Variants in TTLL5 observed in about 807,000 individuals in gnomAD.
TTLL5 encodes the protein tubulin tyrosine ligase like 5.
TTLL5 carries 132 observed loss-of-function variants against 168.4 expected under a neutral mutation model. That is an observed-to-expected ratio of 0.78 (90% confidence interval 0.68 to 0.91). TTLL5 has a LOEUF of 0.91. TTLL5 is among the 40% of genes least tolerant of loss of function. The pLI is 0.00. For synonymous variants in TTLL5, 546 were observed against 558.6 expected (o/e 0.98, Z 0.32); for missense variants, 1,545 against 1,581.5 (o/e 0.98, Z 0.39).
intron 31 of TTLL5, among the ~76,000 whole-genome samples, chr14:75,926,014 C>T (rs568422062): frequency 4.6e-5 from 7 of 151,428 alleles, no homozygotes; most frequent in African/African-American, 7.4e-5. Context: ...AGTCCAGCTT[C>T]GCCTTGGCAT....
intron 5 of TTLL5, among the ~76,000 whole-genome samples, chr14:75,686,312 G>A (rs572558432): frequency 4.6e-5 from 7 of 152,204 alleles, no homozygotes; most frequent in Non-Finnish European, 1.0e-4. Flanking sequence ...TAATTGCCCC[G>A]ATTTTCTTTA....
At chr14:75,727,941 A>T (rs1888286902) in intron 12 of TTLL5, 1 of 427,078 alleles carries the variant, frequency 2.3e-6, no homozygotes, top group African/African-American at 2.1e-5. Context: ...GCTGACAGGC[A>T]TGTGGGTTAC....
intron 18 of TTLL5, among the ~76,000 whole-genome samples, chr14:75,756,169 A>C (rs537256646): frequency 6.6e-5 from 10 of 152,204 alleles, no homozygotes; most frequent in Non-Finnish European, 1.2e-4. Flanking sequence ...GATAGAAAAC[A>C]TGGGAAAGGA....
At chr14:75,871,835 C>A (rs2031060520) in intron 29 of TTLL5, among the ~76,000 whole-genome samples, 1 of 152,100 alleles carries the variant, frequency 6.6e-6, no homozygotes, top group Non-Finnish European at 1.5e-5. Flanking sequence ...GCACAGTAAA[C>A]CAACCATGTG....
At chr14:75,793,627 T>C (rs1892841329) in intron 27 of TTLL5, among the ~76,000 whole-genome samples, 1 of 152,174 alleles carries the variant, frequency 6.6e-6, no homozygotes, top group South Asian at 2.1e-4. Flanking sequence ...CTGAAATAAG[T>C]GATGTGATCA....
chr14:75,672,460 G>T (rs571292131), intron 3 of TTLL5, among the ~76,000 whole-genome samples: 6 of 152,010 alleles, frequency 3.9e-5, no homozygotes, highest in Admixed American at 1.3e-4. Context: ...TGGCAGGCTG[G>T]TTTTGAACTC....
At chr14:75,929,842 G>A (rs1409711716) in intron 31 of TTLL5, among the ~76,000 whole-genome samples, 2 of 152,146 alleles carry the variant, frequency 1.3e-5, no homozygotes, top group African/African-American at 4.8e-5. Context: ...TCGTCACTTT[G>A]AGAAAGGAGG....
chr14:75,941,957 G>A (rs190089607), intron 31 of TTLL5, among the ~76,000 whole-genome samples: 11 of 151,378 alleles, frequency 7.3e-5, no homozygotes, highest in East Asian at 3.9e-4. Flanking sequence ...CGAGGCAGGC[G>A]GATCACGAGG....
At chr14:75,733,930 C>T (rs1026472516) in intron 13 of TTLL5, 59 bp from the exon 14 acceptor site, 82 of 1,529,398 alleles carry the variant, frequency 5.4e-5, no homozygotes, top group Non-Finnish European at 6.5e-5. Context: ...CATCAGAGGG[C>T]GGCTATTCTG....
intron 7 of TTLL5, among the ~76,000 whole-genome samples, chr14:75,704,977 G>T (rs570580373): frequency 5.9e-5 from 9 of 152,312 alleles, no homozygotes; most frequent in Non-Finnish European, 1.3e-4. Context: ...GAGAAAAGTT[G>T]GGTGAGTAGA....
chr14:75,945,154 G>A (rs1464497093), intron 31 of TTLL5, among the ~76,000 whole-genome samples: 1 of 150,812 alleles, frequency 6.6e-6, no homozygotes, highest in Non-Finnish European at 1.5e-5. Context: ...TCTTCCAAGT[G>A]TACTTTCCTT....
intron 4 of TTLL5, among the ~76,000 whole-genome samples, chr14:75,683,201 C>T (rs778703417): frequency 3.3e-5 from 5 of 152,152 alleles, no homozygotes; most frequent in African/African-American, 4.8e-5. Context: ...AATTCTAAGT[C>T]GGTTTGCTAC....
At chr14:75,682,887 C>T (rs1884732909) in intron 4 of TTLL5, among the ~76,000 whole-genome samples, 1 of 151,908 alleles carries the variant, frequency 6.6e-6, no homozygotes, top group African/African-American at 2.4e-5. Flanking sequence ...CTGCCTCAGC[C>T]TCCCAAGTAG....
chr14:75,843,482 A>C (rs189600560), intron 28 of TTLL5, among the ~76,000 whole-genome samples: 1 of 152,360 alleles, frequency 6.6e-6, no homozygotes, highest in East Asian at 1.9e-4. Flanking sequence ...AACTTTGTTG[A>C]GACACCTTTA....
intron 4 of TTLL5, among the ~76,000 whole-genome samples, chr14:75,682,218 G>T (rs1884678325): frequency 6.6e-6 from 1 of 151,300 alleles, no homozygotes; most frequent in Non-Finnish European, 1.5e-5. Flanking sequence ...AAACCCAAAA[G>T]GGATTTGTCA....
intron 31 of TTLL5, among the ~76,000 whole-genome samples, chr14:75,946,788 G>A (rs1228972072): frequency 1.3e-5 from 2 of 152,192 alleles, no homozygotes; most frequent in African/African-American, 2.4e-5. Flanking sequence ...GTAGAGAATG[G>A]GGAGGTTCGC....
intron 26 of TTLL5, among the ~76,000 whole-genome samples, chr14:75,784,124 T>C (rs533060629): frequency 6.6e-6 from 1 of 152,308 alleles, no homozygotes; most frequent in African/African-American, 2.4e-5. Context: ...GACACCAGTA[T>C]CTAATTTTAG....
At chr14:75,793,972 A>G (rs1892860156) in intron 27 of TTLL5, among the ~76,000 whole-genome samples, 1 of 152,230 alleles carries the variant, frequency 6.6e-6, no homozygotes, top group Non-Finnish European at 1.5e-5. Flanking sequence ...AGTGAAGCTG[A>G]AAATTACTTT....
chr14:75,698,956 A>G (rs958360549), intron 6 of TTLL5, among the ~76,000 whole-genome samples: 1 of 151,764 alleles, frequency 6.6e-6, no homozygotes, highest in African/African-American at 2.4e-5. Flanking sequence ...AGAAATTACT[A>G]TGGGAGTGAT....
Sources: gnomAD v4.1 joint callset for allele counts (sites outside exome capture counted in the v4.1 genomes callset) on GRCh38, gnomAD v4.1.1 for gene constraint, MANE v1.5 for transcripts, NCBI Gene and HGNC (gene_info 2026-07-23, HGNC 2026-07-21) for gene names.